Variants in CSMD1 observed in about 807,000 individuals in gnomAD.
The protein encoded by CSMD1 is CUB and sushi domain-containing protein 1.
CSMD1 carries 213 observed loss-of-function variants against 417.5 expected under a neutral mutation model. The ratio of observed to expected loss-of-function variants is 0.51; its 90% confidence interval spans 0.46 to 0.57. CSMD1 has a LOEUF of 0.57. Among genes scored for constraint, CSMD1 ranks in the 20% least tolerant of loss-of-function variants. CSMD1 has a pLI of 0.00. For missense variants in CSMD1, 6,923 were observed against 4,529.7 expected, an observed-to-expected ratio of 1.53 and a Z score of -15.17; for synonymous variants, 2,862 against 1,736.8, an observed-to-expected ratio of 1.65 and a Z score of -16.11.
intron 49 of CSMD1, among the ~76,000 whole-genome samples, chr8:3,066,475 C>G (rs907245924): frequency 6.6e-6 from 1 of 152,180 alleles, no homozygotes; most frequent in Non-Finnish European, 1.5e-5. Context: ...ATTCATTACG[C>G]ATGCAGGTAA....
intron 26 of CSMD1, among the ~76,000 whole-genome samples, chr8:3,271,741 T>A (rs1216536655): frequency 6.6e-6 from 1 of 152,174 alleles, no homozygotes; most frequent in Non-Finnish European, 1.5e-5. Context: ...TTGAGAAGTG[T>A]CTGTTCATGT....
At chr8:3,110,409 C>A in intron 42 of CSMD1, 74 bp from the exon 43 acceptor site, 1 of 1,268,616 alleles carries the variant, frequency 7.9e-7, no homozygotes, top group East Asian at 2.7e-5. Flanking sequence ...TATTTGACTC[C>A]AAAGTACCTT....
At chr8:4,836,028 A>G (rs1184822014) in intron 1 of CSMD1, among the ~76,000 whole-genome samples, 25 of 152,178 alleles carry the variant, frequency 1.6e-4, no homozygotes, top group Non-Finnish European at 3.4e-4. Context: ...AAATAAATAG[A>G]GATGGTTTCT....
At chr8:3,643,158 ATAAG>A (rs1016566535) in intron 7 of CSMD1, among the ~76,000 whole-genome samples, 1 of 152,080 alleles carries the variant, frequency 6.6e-6, no homozygotes, top group Non-Finnish European at 1.5e-5. Context: ...TAAAGATATT[ATAAG>A]TGAGAGCCAC....
intron 2 of CSMD1, among the ~76,000 whole-genome samples, chr8:4,476,497 G>A (rs1800808562): frequency 6.6e-6 from 1 of 152,108 alleles, no homozygotes; most frequent in Non-Finnish European, 1.5e-5. Flanking sequence ...TACTGAAATT[G>A]AACATCATCA....
At chr8:4,636,605 T>G (rs1010411958) in intron 2 of CSMD1, among the ~76,000 whole-genome samples, 23 of 152,230 alleles carry the variant, frequency 1.5e-4, no homozygotes, top group Admixed American at 5.2e-4. Context: ...TTAAAAACAA[T>G]GGTGTATTAT....
chr8:3,808,685 T>C (rs1800889845), intron 5 of CSMD1, among the ~76,000 whole-genome samples: 1 of 152,160 alleles, frequency 6.6e-6, no homozygotes, highest in South Asian at 2.1e-4. Context: ...ATTTCTGAGG[T>C]TTGGCACTCT....
chr8:4,515,444 G>A (rs146146271), intron 2 of CSMD1, among the ~76,000 whole-genome samples: 2 of 152,100 alleles, frequency 1.3e-5, no homozygotes, highest in Non-Finnish European at 2.9e-5. Flanking sequence ...CGCTTTCAGA[G>A]GAGAGTTAAT....
Position 2,975,048 on chromosome 8 carries a change from G to T in CSMD1, c.8567-424C>A, listed in dbSNP as rs117903608. 3.5e-3 allele frequency among the ~76,000 whole-genome samples: 531 copies of T among 152,244 alleles called. 4 individuals carry two copies. The highest frequency in any genetic ancestry group is 7.8e-3 in the Admixed American group (119 of 15,302). Reference sequence around the variant, plus strand: ...ATGACAATCATATTCTTTGCTTGCGGACATGATTCTGTCAAATCTGCTTAA... The same window carrying T: ...ATGACAATCATATTCTTTGCTTGCGTACATGATTCTGTCAAATCTGCTTAA... On this transcript the variant is annotated intron_variant, in intron 55 of 69. Transcript: ENST00000635120.
At chr8:4,456,363 G>C (rs866037320) in intron 2 of CSMD1, among the ~76,000 whole-genome samples, 13 of 152,250 alleles carry the variant, frequency 8.5e-5, no homozygotes, top group Middle Eastern at 3.4e-3. Context: ...TAAAAATACT[G>C]TATCTGTCAC....
Position 2,963,272 on chromosome 8 carries a change from A to G in CSMD1, c.9404T>C (p.Leu3135Pro), listed in dbSNP as rs1803662832. ...CCACACCCCGCGACCTTCACAGGAG[A>G]GGATGGCGGAGTGAGAGAGCTGGTA... ...DGYQLSHSAI[L>P]SCEGRGVWKG... is the part of the protein sequence containing the mutation. Residue 3135 changes from leucine (L) to proline (P), a missense_variant, in exon 60 of 70, where the codon CTC (leucine) becomes CCC (proline). Transcript: ENST00000635120. The G allele has an allele frequency of 6.2e-7, 1 of 1,613,804 alleles. No individual in the cohort carries two copies. Among genetic ancestry groups the G allele is most frequent in the African/African-American group, 1.3e-5 (1 of 74,908 alleles).
intron 55 of CSMD1, among the ~76,000 whole-genome samples, chr8:2,975,258 T>A (rs143029529): frequency 1.3e-5 from 2 of 152,152 alleles, no homozygotes; most frequent in Admixed American, 1.3e-4. Flanking sequence ...AGGCCTAAAC[T>A]CTATTTATAA....
At chr8:2,956,953 T>C (rs547420667) in intron 63 of CSMD1, among the ~76,000 whole-genome samples, 14 of 152,224 alleles carry the variant, frequency 9.2e-5, no homozygotes, top group Admixed American at 2.0e-4. Context: ...AGAGCAGAGA[T>C]AATTTTAAAA....
intron 12 of CSMD1, among the ~76,000 whole-genome samples, chr8:3,418,611 C>T (rs919866182): frequency 6.6e-6 from 1 of 152,156 alleles, no homozygotes; most frequent in East Asian, 1.9e-4. Context: ...TCCTGTGTCT[C>T]AGCTCAACAG....
At chr8:4,165,783 G>C (rs376472882) in intron 3 of CSMD1, among the ~76,000 whole-genome samples, 1 of 152,184 alleles carries the variant, frequency 6.6e-6, no homozygotes, top group Non-Finnish European at 1.5e-5. Flanking sequence ...GTTAGCTCAC[G>C]TGTTGTCACT....
chr8:3,374,881 G>T (rs1810207730), intron 18 of CSMD1, among the ~76,000 whole-genome samples: 1 of 152,138 alleles, frequency 6.6e-6, no homozygotes, highest in Admixed American at 6.5e-5. Flanking sequence ...CTAATAAATG[G>T]AAGTTTGCAG....
intron 4 of CSMD1, among the ~76,000 whole-genome samples, chr8:4,011,166 C>A (rs924120586): frequency 6.6e-6 from 1 of 152,154 alleles, no homozygotes; most frequent in Non-Finnish European, 1.5e-5. Context: ...TATAAAATAT[C>A]TTTCCTGCAA....
chr8:3,257,800 G>T (rs368675953), intron 26 of CSMD1, among the ~76,000 whole-genome samples: 1 of 152,168 alleles, frequency 6.6e-6, no homozygotes, highest in African/African-American at 2.4e-5. Flanking sequence ...GTGTGAGGGC[G>T]ATCGGTGGGT....
intron 3 of CSMD1, among the ~76,000 whole-genome samples, chr8:4,208,944 C>G (rs1347944905): frequency 6.6e-6 from 1 of 152,172 alleles, no homozygotes; most frequent in Non-Finnish European, 1.5e-5. Context: ...AAACTTGACC[C>G]TTTGCAGTAC....
Sources: gnomAD v4.1 joint callset for allele counts (sites outside exome capture counted in the v4.1 genomes callset) on GRCh38, gnomAD v4.1.1 for gene constraint, MANE v1.5 for transcripts, NCBI Gene and HGNC (gene_info 2026-07-23, HGNC 2026-07-21) for gene names.